RAB43: variants seen among roughly 807,000 people sequenced by gnomAD.
RAB43 encodes the protein RAB43, member RAS oncogene family, also known as ras-related protein Rab-43.
A neutral mutation model predicts 18.8 loss-of-function variants in RAB43; 6 were observed. The observed-to-expected ratio is 0.32, with a 90% CI of 0.17 to 0.63. The LOEUF is 0.63. Ranked by LOEUF, RAB43 falls within the 30% of genes least tolerant of loss-of-function variation. The pLI is 0.79. For missense variants in RAB43, 195 were observed against 289.1 expected (o/e 0.67, Z 2.36); for synonymous variants, 103 against 124.1 (o/e 0.83, Z 1.13).
chr3:129,095,078 T>A lies in RAB43; in HGVS notation c.296A>T (p.Asp99Val). ...CAGGAAGGAGCTCCTCTTGGTGATGTCGTAGGCAAGGATGGCCCCATTGGC... is the reference window on the plus strand; with the variant it reads ...CAGGAAGGAGCTCCTCTTGGTGATGACGTAGGCAAGGATGGCCCCATTGGC... ...RSANGAILAY[D>V]ITKRSSFLSV... Residue 99 changes from aspartate to valine, a missense_variant, in exon 2 of 3, where the codon GAC (aspartate) becomes GTC (valine). Asp to Val is a radical substitution (Grantham distance 152, BLOSUM62 -3). Coordinates refer to ENST00000315150, the MANE Select transcript of RAB43 (RefSeq NM_198490.3). The surrounding 1 kb of genome is among the most constrained non-coding windows in gnomAD (Gnocchi z 4.2). 1 of 1,614,036 alleles carries A rather than the reference T, an allele frequency of 6.2e-7. No homozygotes were observed.
rs907020349 is a variant in RAB43 at position 129,089,941 on chromosome 3, AG to A, written c.*1154del. ...GACACAGACGGACTGGGATTGGCTA[AG>A]GAAGATCACCTGGCCCCTCCAGCCC... On this transcript the variant is annotated 3_prime_UTR_variant, in exon 3 of 3. Coordinates refer to ENST00000315150, the MANE Select transcript of RAB43 (RefSeq NM_198490.3). The A allele has an allele frequency of 1.3e-5, 2 of 150,688 alleles. No homozygotes were observed. Among genetic ancestry groups the A allele is most frequent in the East Asian group, 2.0e-4 (1 of 5,060 alleles). The allele number at this position is 150,688 out of a possible 1,614,324, so 9.3% of individuals were successfully genotyped here.
intron 1 of RAB43, among the ~76,000 whole-genome samples, chr3:129,096,930 T>C (rs1934093054): frequency 6.6e-6 from 1 of 152,086 alleles, no homozygotes; most frequent in Non-Finnish European, 1.5e-5. Context: ...CTGGCCAACA[T>C]GGTGAAACCC....
At chr3:129,099,578 G>A (rs1934289894) in intron 1 of RAB43, among the ~76,000 whole-genome samples, 1 of 151,784 alleles carries the variant, frequency 6.6e-6, no homozygotes, top group Non-Finnish European at 1.5e-5. Context: ...TAGAGACAGG[G>A]TTTCTCCATG....
intron 1 of RAB43, among the ~76,000 whole-genome samples, chr3:129,096,294 C>T (rs1934047949): frequency 6.6e-6 from 1 of 152,216 alleles, no homozygotes; most frequent in South Asian, 2.1e-4. Context: ...GCCCCAGCCC[C>T]AACACAGAAG....
intron 1 of RAB43, among the ~76,000 whole-genome samples, chr3:129,104,984 GC>G (rs1229897769): frequency 6.6e-6 from 1 of 152,012 alleles, no homozygotes; most frequent in African/African-American, 2.4e-5. Flanking sequence ...CTTTACTCTT[GC>G]CCCTACAACA....
At chr3:129,103,794 A>AC (rs1410764219) in intron 1 of RAB43, among the ~76,000 whole-genome samples, 1 of 151,894 alleles carries the variant, frequency 6.6e-6, no homozygotes, top group African/African-American at 2.4e-5. Context: ...CGAACTCCTG[A>AC]CCTCAGGTGA....
chr3:129,099,192 T>C (rs1221456675), intron 1 of RAB43, among the ~76,000 whole-genome samples: 2 of 140,792 alleles, frequency 1.4e-5, no homozygotes, highest in East Asian at 2.3e-4. Context: ...CCCGGGTTCA[T>C]GCCATTCTCC....
intron 1 of RAB43, among the ~76,000 whole-genome samples, chr3:129,120,686 A>G (rs1935846674): frequency 6.6e-6 from 1 of 152,076 alleles, no homozygotes; most frequent in Admixed American, 6.6e-5. Context: ...CAGCTGGGGG[A>G]GGGAACCGGG....
At chr3:129,113,130 C>G (rs1032134144) in intron 1 of RAB43, among the ~76,000 whole-genome samples, 2 of 151,496 alleles carry the variant, frequency 1.3e-5, no homozygotes, top group Non-Finnish European at 2.9e-5. Context: ...CACTCATATA[C>G]ACGTTTGAGT....
At chr3:129,102,720 T>G (rs1559998627) in intron 1 of RAB43, among the ~76,000 whole-genome samples, 1 of 151,534 alleles carries the variant, frequency 6.6e-6, no homozygotes, top group Non-Finnish European at 1.5e-5. Context: ...GCTTGATCAC[T>G]TCACCCATGC....
intron 1 of RAB43, among the ~76,000 whole-genome samples, chr3:129,103,854 C>T (rs566387049): frequency 1.7e-4 from 26 of 152,188 alleles, no homozygotes; most frequent in Non-Finnish European, 3.2e-4. Context: ...CACGAGCCAC[C>T]GCACCTGGCC....
chr3:129,113,845 G>T (rs1935328539), intron 1 of RAB43, among the ~76,000 whole-genome samples: 1 of 152,088 alleles, frequency 6.6e-6, no homozygotes, highest in African/African-American at 2.4e-5. Context: ...TGGCTAACAT[G>T]GTGACACCCC....
At chr3:129,091,990 G>A (rs931578335) in intron 2 of RAB43, among the ~76,000 whole-genome samples, 4 of 151,348 alleles carry the variant, frequency 2.6e-5, no homozygotes, top group Non-Finnish European at 5.9e-5. Context: ...AGTGGCAAGC[G>A]GAGGTTGCAG....
chr3:129,106,044 G>C (rs1335365478), intron 1 of RAB43, among the ~76,000 whole-genome samples: 1 of 152,198 alleles, frequency 6.6e-6, no homozygotes, highest in African/African-American at 2.4e-5. Flanking sequence ...AGGGCTGAAA[G>C]CTGCTTTCCA....
At chr3:129,097,908 G>C (rs1675263497) in intron 1 of RAB43, among the ~76,000 whole-genome samples, 1 of 152,094 alleles carries the variant, frequency 6.6e-6, no homozygotes, top group African/African-American at 2.4e-5. Flanking sequence ...CTCTACCTGG[G>C]AGTTTCCTGA....
At chr3:129,117,877 C>T (rs764844575) in intron 1 of RAB43, among the ~76,000 whole-genome samples, 8 of 152,202 alleles carry the variant, frequency 5.3e-5, no homozygotes, top group South Asian at 2.1e-4. Flanking sequence ...AATTAACAGG[C>T]ACATATTGGA....
intron 1 of RAB43, among the ~76,000 whole-genome samples, chr3:129,116,575 C>G (rs371295154): frequency 2.0e-5 from 3 of 152,226 alleles, no homozygotes; most frequent in South Asian, 2.1e-4. Flanking sequence ...GCCCTGCCCC[C>G]TCTTTTTGAA....
intron 1 of RAB43, among the ~76,000 whole-genome samples, chr3:129,112,451 G>A (rs947944218): frequency 1.3e-5 from 2 of 152,140 alleles, no homozygotes; most frequent in African/African-American, 4.8e-5. Context: ...AGAGCCTAGA[G>A]AGGCTTCTGA....
chr3:129,097,561 A>G (rs1934141828), intron 1 of RAB43, among the ~76,000 whole-genome samples: 1 of 152,188 alleles, frequency 6.6e-6, no homozygotes. Flanking sequence ...GAAATCAACA[A>G]AAAATAAGAA....
Sources: gnomAD v4.1 joint callset for allele counts (sites outside exome capture counted in the v4.1 genomes callset) on GRCh38, gnomAD v4.1.1 for gene constraint, Gnocchi (gnomAD v3.1) non-coding constraint, MANE v1.5 for transcripts, NCBI Gene and HGNC (gene_info 2026-07-23, HGNC 2026-07-21) for gene names.